STK38L: variants seen among roughly 807,000 people sequenced by gnomAD.
The protein encoded by STK38L is serine/threonine kinase 38 like, also known as serine/threonine-protein kinase 38-like.
STK38L carries 28 observed loss-of-function variants against 59.7 expected under a neutral mutation model. That is an observed-to-expected ratio of 0.47 (90% CI 0.35 to 0.64). The LOEUF (loss-of-function observed/expected upper bound fraction) is 0.64, where lower values mean the gene tolerates loss of function less well. Among genes scored for constraint, STK38L ranks in the 30% least tolerant of loss-of-function variants. The pLI is 0.01. For synonymous variants in STK38L, 162 were observed against 176.8 expected (o/e 0.92, Z 0.66); for missense variants, 314 against 555.8 (o/e 0.56, Z 4.37).
At chr12:27,312,318 C>T (rs946226469) in intron 5 of STK38L, among the ~76,000 whole-genome samples, 7 of 152,178 alleles carry the variant, frequency 4.6e-5, no homozygotes, top group Admixed American at 2.6e-4. Flanking sequence ...CTCAGCTTCA[C>T]GTAATATACC....
At chr12:27,262,563 G>C (rs1225219290) in intron 1 of STK38L, among the ~76,000 whole-genome samples, 1 of 151,954 alleles carries the variant, frequency 6.6e-6, no homozygotes, top group Admixed American at 6.6e-5. Flanking sequence ...TAAACAGCCA[G>C]GTGCAGTGGC....
Position 27,318,001 on chromosome 12 carries a change from C to G in STK38L, c.1061C>G (p.Ala354Gly). 7 of 1,613,908 alleles carry G rather than the reference C, an allele frequency of 4.3e-6. No homozygotes were observed. Among genetic ancestry groups the G allele is most frequent in the Non-Finnish European group, 5.1e-6 (6 of 1,179,926 alleles). ...FPPEVPISEK[A>G]KDLILRFCID... ...CCAGAGGTACCTATATCTGAGAAAG[C>G]CAAGGACTTAATTCTCAGGTTAGTG... The change falls in exon 11 of 14, where the codon GCC becomes GGC. Residue 354 changes from alanine to glycine, a missense_variant. Ala to Gly is a moderately conservative substitution (Grantham distance 60, BLOSUM62 0). Around this residue, in one of 3 missense-constraint regions of STK38L, gnomAD observed 94 missense variants for 142.2 expected, o/e 0.66. Coordinates refer to ENST00000389032, the MANE Select transcript of STK38L (RefSeq NM_015000.4).
chr12:27,305,346 A>G (rs1227600816), intron 3 of STK38L, among the ~76,000 whole-genome samples: 1 of 152,222 alleles, frequency 6.6e-6, no homozygotes, highest in East Asian at 1.9e-4. Context: ...AACTTGTAGA[A>G]AATAGGAGAT....
Position 27,244,331 on chromosome 12 carries a change from A to G in STK38L, c.-13A>G, listed in dbSNP as rs553769023. 7 of 152,424 alleles carry G rather than the reference A, an allele frequency of 4.6e-5. No individual in the cohort carries two copies. The highest frequency in any genetic ancestry group is 1.3e-4 in the Admixed American group (2 of 15,308). The allele number at this position is 152,424 out of a possible 1,614,324, so 9.4% of individuals were successfully genotyped here. A position where few individuals can be genotyped will look rare whatever the true frequency, so the allele number is the denominator to read the frequency against. On this transcript the variant is annotated splice_region_variant and 5_prime_UTR_variant, in exon 1 of 14. Coordinates refer to ENST00000389032, the MANE Select transcript of STK38L (RefSeq NM_015000.4). ...GCCGGCCGCGGGCGCGACCGGAGGC[A>G]GGTGAGTTCGCGGATGTAGCGCTCG...
At chr12:27,245,852 T>G (rs1179460515) in intron 1 of STK38L, 1 of 152,244 alleles carries the variant, frequency 6.6e-6, no homozygotes, top group Non-Finnish European at 1.5e-5. Context: ...TTAGCTTTGT[T>G]TTCTCCTTGT....
chr12:27,244,575 T>C, intron 1 of STK38L, among the ~76,000 whole-genome samples: 1 of 152,134 alleles, frequency 6.6e-6, no homozygotes, highest in South Asian at 2.1e-4. Context: ...GGAATCTTTG[T>C]CCTCTGCTCC....
chr12:27,287,044 A>G lies in STK38L; in HGVS notation c.-11-10666A>G, dbSNP rs761779549. On this transcript the variant is annotated intron_variant, in intron 1 of 13. Transcript: ENST00000389032. ...TTTCGACTTTAACATTAAAAAAGCTATGTATGAGCTTACTTGATAAATAGA... is the reference window on the plus strand; with the variant it reads ...TTTCGACTTTAACATTAAAAAAGCTGTGTATGAGCTTACTTGATAAATAGA... Among the ~76,000 whole-genome samples, 24 of 151,240 alleles carry G rather than the reference A, an allele frequency of 1.6e-4. 1 individual carries two copies. Among genetic ancestry groups the G allele is most frequent in the African/African-American group, 5.8e-4 (24 of 41,134 alleles).
intron 1 of STK38L, among the ~76,000 whole-genome samples, chr12:27,289,851 CT>C (rs546879536): frequency 6.6e-6 from 1 of 152,154 alleles, no homozygotes; most frequent in South Asian, 2.1e-4. Flanking sequence ...ACCAAGAGTT[CT>C]TTTTTTACTT....
intron 1 of STK38L, among the ~76,000 whole-genome samples, chr12:27,264,604 T>C (rs1305400625): frequency 2.6e-5 from 4 of 152,062 alleles, no homozygotes; most frequent in African/African-American, 4.8e-5. Flanking sequence ...AATACAACAA[T>C]AAAAAATGAT....
At chr12:27,295,587 C>G (rs1196990697) in intron 1 of STK38L, among the ~76,000 whole-genome samples, 2 of 151,972 alleles carry the variant, frequency 1.3e-5, no homozygotes, top group Admixed American at 6.6e-5. Context: ...TTCATTCATT[C>G]ATGACTACTC....
chr12:27,270,704 G>T (rs953811011), intron 1 of STK38L, among the ~76,000 whole-genome samples: 1 of 151,886 alleles, frequency 6.6e-6, no homozygotes, highest in Non-Finnish European at 1.5e-5. Context: ...TATGGAGACA[G>T]GGCCTCGCTT....
At chr12:27,272,821 T>C (rs1477350617) in intron 1 of STK38L, among the ~76,000 whole-genome samples, 2 of 152,212 alleles carry the variant, frequency 1.3e-5, no homozygotes, top group Non-Finnish European at 2.9e-5. Context: ...TCTGTGATGA[T>C]TGATTGTAGG....
intron 1 of STK38L, among the ~76,000 whole-genome samples, chr12:27,285,721 G>C (rs567272893): frequency 6.6e-6 from 1 of 152,204 alleles, no homozygotes; most frequent in South Asian, 2.1e-4. Flanking sequence ...TGGACATACC[G>C]ATGTTTTGAA....
At chr12:27,280,033 C>T (rs906117413) in intron 1 of STK38L, among the ~76,000 whole-genome samples, 1 of 152,106 alleles carries the variant, frequency 6.6e-6, no homozygotes, top group Non-Finnish European at 1.5e-5. Flanking sequence ...GATCAAAGAA[C>T]AGCATGCGTG....
chr12:27,265,941 A>C (rs1374731833), intron 1 of STK38L, among the ~76,000 whole-genome samples: 1 of 152,200 alleles, frequency 6.6e-6, no homozygotes, highest in South Asian at 2.1e-4. Flanking sequence ...CTGGCAAGAT[A>C]ATGGATGCTA....
In STK38L at chr12:27,308,929, A is replaced by T. The variant is rs7968940; in HGVS notation, c.310-185A>T. Among the ~76,000 whole-genome samples, 3,077 of 145,120 alleles carry T rather than the reference A, an allele frequency of 0.021. 102 individuals carry two copies. The highest frequency in any genetic ancestry group is 0.072 in the African/African-American group (2,896 of 40,252). ...ATATAAATATATATTAATATATATA[A>T]AATATATATAAATATATATATAACA... On this transcript the variant is annotated intron_variant, in intron 4 of 13. Coordinates refer to ENST00000389032, the MANE Select transcript of STK38L (RefSeq NM_015000.4). This position sits in a 1 kb window ranked among gnomAD's most constrained non-coding sequence, Gnocchi z 4.5.
At chr12:27,310,953 A>G (rs545228714) in intron 5 of STK38L, among the ~76,000 whole-genome samples, 42 of 152,320 alleles carry the variant, frequency 2.8e-4, no homozygotes, top group South Asian at 1.2e-3. Flanking sequence ...TAATACATCA[A>G]TATTTTAACT....
At chr12:27,298,787 G>T (rs1451435579) in intron 2 of STK38L, among the ~76,000 whole-genome samples, 2 of 152,148 alleles carry the variant, frequency 1.3e-5, no homozygotes, top group African/African-American at 4.8e-5. Context: ...AAATCACCAG[G>T]TCAGGCAGTG....
rs548281265 is a variant in STK38L at position 27,321,840 on chromosome 12, G to A, written c.1176-303G>A. 2.8e-4 allele frequency among the ~76,000 whole-genome samples: 43 copies of A among 152,056 alleles called. 1 individual carries two copies. The highest frequency in any genetic ancestry group is 3.9e-4 in the Admixed American group (6 of 15,270). ...AGGGAATGGACACCCCATTCTGCAC[G>A]ATGTGCTTATTACCCATTTCATGCC... On this transcript the variant is annotated intron_variant, in intron 12 of 13. Coordinates refer to ENST00000389032, the MANE Select transcript of STK38L (RefSeq NM_015000.4).
Sources: allele counts gnomAD v4.1 joint callset (sites outside exome capture counted in the v4.1 genomes callset), GRCh38; gene constraint gnomAD v4.1.1; regional missense constraint gnomAD v4.1.1; non-coding constraint Gnocchi (gnomAD v3.1); transcripts MANE v1.5; gene names NCBI Gene and HGNC (gene_info 2026-07-23, HGNC 2026-07-21).